Variants in PIP4K2C observed in about 807,000 individuals in gnomAD.
The protein encoded by PIP4K2C is phosphatidylinositol-5-phosphate 4-kinase type 2 gamma.
Under a neutral mutation model 45.0 loss-of-function variants are expected in PIP4K2C, and 21 were observed. The ratio of observed to expected loss-of-function variants is 0.47; its 90% CI spans 0.33 to 0.67. The LOEUF (loss-of-function observed/expected upper bound fraction) is 0.67. Among genes scored for constraint, PIP4K2C ranks in the 30% least tolerant of loss-of-function variants. The pLI, the probability that PIP4K2C is intolerant of heterozygous loss-of-function variation, is 0.02. For missense variants in PIP4K2C, 456 were observed against 542.8 expected, an observed-to-expected ratio of 0.84 and a Z score of 1.59; for synonymous variants, 201 against 204.8, an observed-to-expected ratio of 0.98 and a Z score of 0.16.
At position 57,600,435 on chromosome 12, in the gene PIP4K2C, G is replaced by A. The variant is rs374390645; in HGVS notation, c.811G>A (p.Glu271Lys). ...IFLEKLKRDV[E>K]FLVQLKIMDY... ...TCTGGAGAAGCTGAAGAGAGATGTG[G>A]AGGTGATGATTGGGTGCTCTGGGAA... The change falls in exon 7 of 10, where the codon GAG becomes AAG. Residue 271 changes from glutamate (E) to lysine (K), a missense_variant and splice_region_variant. Around this residue, in one of 2 missense-constraint regions of PIP4K2C, gnomAD observed 421 missense variants for 473.1 expected, o/e 0.89. Coordinates refer to ENST00000354947, the MANE Select transcript of PIP4K2C (RefSeq NM_024779.5). 6 of 1,589,400 alleles carry A rather than the reference G, an allele frequency of 3.8e-6. No homozygotes were observed. The highest frequency in any genetic ancestry group is 5.2e-6 in the Non-Finnish European group (6 of 1,158,144).
At chr12:57,598,524 CAAAAAAA>C (rs57982410) in intron 4 of PIP4K2C, among the ~76,000 whole-genome samples, 11 of 75,714 alleles carry the variant, frequency 1.5e-4, no homozygotes, top group Non-Finnish European at 3.0e-4. Context: ...ACTCCATCTC[CAAAAAAA>C]AAAAAAAAAA....
At position 57,601,873 on chromosome 12, in the gene PIP4K2C, C is replaced by T. The variant is rs545938149; in HGVS notation, c.*267C>T. 6.2e-6 allele frequency: 3 copies of T among 486,122 alleles called. No individual in the cohort carries two copies. The highest frequency in any genetic ancestry group is 3.9e-5 in the African/African-American group (2 of 51,408). The allele number at this position is 486,122 out of a possible 1,614,324, so 30.1% of individuals were successfully genotyped here. On this transcript the variant is annotated 3_prime_UTR_variant, in exon 10 of 10. Coordinates refer to ENST00000354947, the MANE Select transcript of PIP4K2C (RefSeq NM_024779.5). ...TAGTATTAGAATGTTATTGTTGACT[C>T]TCTCCCAAGTGCCTTGATCTTTGTA...
chr12:57,600,526 C>A, intron 7 of PIP4K2C, 89 bp downstream of exon 7: 4 of 917,184 alleles, frequency 4.4e-6, no homozygotes, highest in Non-Finnish European at 6.8e-6. Flanking sequence ...GAGGGAGCTC[C>A]TCCCCTTCCC....
chr12:57,601,511 T>A lies in PIP4K2C; in HGVS notation c.1186-15T>A. 1 of 1,607,738 alleles carries A rather than the reference T, an allele frequency of 6.2e-7. No individual in the cohort carries two copies. The highest frequency in any genetic ancestry group is 8.5e-7 in the Non-Finnish European group (1 of 1,174,274). ...TAGGGTGGCCTGACATATTGTTCCG[T>A]ATCTCCTCTCACAGGCTGGGGCAGA... On this transcript the variant is annotated splice_polypyrimidine_tract_variant and intron_variant, in intron 9 of 9. Transcript: ENST00000354947.
intron 3 of PIP4K2C, 48 bp downstream of exon 3, chr12:57,595,270 G>GGGGAGAA: frequency 5.1e-6 from 6 of 1,186,382 alleles, no homozygotes; most frequent in Non-Finnish European, 7.6e-6. Context: ...CCCAGCAACT[G>GGGGAGAA]AGGAGTACTA....
At chr12:57,596,503 T>TA (rs11459804) in intron 4 of PIP4K2C, among the ~76,000 whole-genome samples, 85,100 of 143,550 alleles carry the variant, frequency 0.59, 26,777 homozygotes, top group South Asian at 0.76. Flanking sequence ...AAAAAAAGAT[T>TA]AAAAAAAAAA....
rs1413307668 is a variant in PIP4K2C at position 57,601,063 on chromosome 12, A to C, written c.1066A>C (p.Ile356Leu). ...TGAGTCCTTCATTGATGTCTATGCC[A>C]TCCGGAGTGCTGAAGGTGAGAGAAC... is the stretch of plus-strand genomic sequence containing the variant. Reference protein sequence around the residue: ...EFESFIDVYAIRSAEGAPQKE... With the variant: ...EFESFIDVYALRSAEGAPQKE... The change falls in exon 8 of 10, where the codon ATC (isoleucine) becomes CTC (leucine). Residue 356 changes from isoleucine to leucine, a missense_variant. By Grantham distance (5) the Ile-to-Leu change is conservative. This residue lies in a region of PIP4K2C where 421 missense variants were observed against 473.1 expected (regional missense o/e 0.89). Transcript: ENST00000354947. 6.2e-7 allele frequency: 1 copy of C among 1,613,504 alleles called. No homozygotes were observed. The highest frequency in any genetic ancestry group is 8.5e-7 in the Non-Finnish European group (1 of 1,179,916).
intron 4 of PIP4K2C, 131 bp from the exon 5 acceptor site, chr12:57,598,913 GTTTTGGGGAAGCTTCCACCAC>G: frequency 1.3e-6 from 1 of 748,288 alleles, no homozygotes; most frequent in Non-Finnish European, 2.2e-6. Flanking sequence ...AACCTGGAGT[GTTTTGGGGAAGCTTCCACCAC>G]TTTTGACTTT....
chr12:57,597,118 T>C (rs925178135), intron 4 of PIP4K2C, among the ~76,000 whole-genome samples: 4 of 152,206 alleles, frequency 2.6e-5, no homozygotes, highest in Admixed American at 2.0e-4. Flanking sequence ...ACAAAGAAGT[T>C]TGGACTTTAT....
At chr12:57,594,663 A>G (rs1184461636) in intron 2 of PIP4K2C, among the ~76,000 whole-genome samples, 1 of 152,126 alleles carries the variant, frequency 6.6e-6, no homozygotes, top group East Asian at 1.9e-4. Context: ...AATGGAAATA[A>G]TATGTTTTTA....
intron 1 of PIP4K2C, 35 bp from the exon 2 acceptor site, chr12:57,593,990 T>C (rs767963174): frequency 1.3e-6 from 2 of 1,568,118 alleles, no homozygotes; most frequent in Non-Finnish European, 8.8e-7. Flanking sequence ...CACACCCTTC[T>C]TCATGGCTTC....
At chr12:57,595,343 G>T in intron 3 of PIP4K2C, 121 bp downstream of exon 3, 1 of 719,272 alleles carries the variant, frequency 1.4e-6, no homozygotes. Flanking sequence ...ACCTTTTTGT[G>T]ATTGCAGCAT....
chr12:57,600,036 G>A (rs114992075), intron 6 of PIP4K2C, among the ~76,000 whole-genome samples: 2,150 of 146,182 alleles, frequency 0.015, 20 homozygotes, highest in East Asian at 0.05. Flanking sequence ...CAGAGTGATC[G>A]AGATCCTATC....
intron 5 of PIP4K2C, 71 bp from the exon 6 acceptor site, chr12:57,599,329 C>T (rs972618377): frequency 6.2e-6 from 10 of 1,607,332 alleles, no homozygotes; most frequent in Admixed American, 3.3e-5. Context: ...TTTGAGTACT[C>T]ATCTTAGGGG....
chr12:57,599,533 A>AATCCCTATTCCT, intron 6 of PIP4K2C, 95 bp downstream of exon 6: 1 of 1,303,602 alleles, frequency 7.7e-7, no homozygotes, highest in Non-Finnish European at 1.1e-6. Flanking sequence ...TCTATATAGG[A>AATCCCTATTCCT]ATAGGGATTA....
At chr12:57,600,723 G>A in intron 7 of PIP4K2C, 88 bp from the exon 8 acceptor site, 1 of 1,521,060 alleles carries the variant, frequency 6.6e-7, no homozygotes, top group Non-Finnish European at 9.0e-7. Context: ...CCCCAGAAGG[G>A]CCCCAGAAAT....
In PIP4K2C at chr12:57,599,088, C is replaced by A; in HGVS notation, c.537C>A (p.Asn179Lys). ...AGTACATTGTGAAGTGCCATGGCAACACGCTTCTGCCCCAGTTCCTGGGGA... is the reference window on the plus strand; with the variant it reads ...AGTACATTGTGAAGTGCCATGGCAAAACGCTTCTGCCCCAGTTCCTGGGGA... ...YHQYIVKCHG[N>K]TLLPQFLGMY... The change falls in exon 5 of 10, where the codon AAC (asparagine) becomes AAA (lysine). Residue 179 changes from asparagine to lysine, a missense_variant. Coordinates refer to ENST00000354947, the MANE Select transcript of PIP4K2C (RefSeq NM_024779.5). The A allele has an allele frequency of 6.2e-7, 1 of 1,614,196 alleles. No homozygotes were observed. The highest frequency in any genetic ancestry group is 8.5e-7 in the Non-Finnish European group (1 of 1,180,018).
chr12:57,600,722 G>A, intron 7 of PIP4K2C, 89 bp from the exon 8 acceptor site: 5 of 1,517,014 alleles, frequency 3.3e-6, no homozygotes, highest in Non-Finnish European at 4.5e-6. Context: ...TCCCCAGAAG[G>A]GCCCCAGAAA....
Position 57,603,406 on chromosome 12 carries a change from TATTC to T in PIP4K2C, c.*1802_*1805del, listed in dbSNP as rs1443948641. On this transcript the variant is annotated 3_prime_UTR_variant, in exon 10 of 10. Transcript: ENST00000354947. The stretch of plus-strand genomic sequence containing the variant: ...TACTATAATAATACAGGGAATAAAT[TATTC>T]AATCCAAATTTCTGTACAGAAATGC... 4 of 152,022 alleles carry T rather than the reference TATTC, an allele frequency of 2.6e-5. No individual in the cohort carries two copies. The highest frequency in any genetic ancestry group is 7.2e-5 in the African/African-American group (3 of 41,400). The allele number at this position is 152,022 out of a possible 1,614,324, so 9.4% of individuals were successfully genotyped here.
Sources: gnomAD v4.1 joint callset for allele counts (sites outside exome capture counted in the v4.1 genomes callset) on GRCh38, gnomAD v4.1.1 for gene constraint, gnomAD v4.1.1 regional missense constraint, MANE v1.5 for transcripts, NCBI Gene and HGNC (gene_info 2026-07-23, HGNC 2026-07-21) for gene names.